Variants in TRPV1 observed in about 807,000 individuals in gnomAD.
TRPV1 encodes transient receptor potential cation channel subfamily V member 1, also known as OTRPC1.
TRPV1 carries 82 observed loss-of-function variants against 82.3 expected under a neutral mutation model. The observed-to-expected ratio is 1.00, with a 90% CI of 0.83 to 1.20. TRPV1 has a LOEUF of 1.20. Ranked by LOEUF, TRPV1 falls within the 50% of genes most tolerant of loss-of-function variation. The pLI is 0.00. For missense variants in TRPV1, 1,067 were observed against 1,096.8 expected (o/e 0.97, Z 0.38); for synonymous variants, 515 against 467.7 (o/e 1.10, Z -1.30).
rs1567654270 is a variant in TRPV1 at position 3,566,702 on chromosome 17, C to A, written c.*113G>T. 5.3e-6 allele frequency: 7 copies of A among 1,327,920 alleles called. No individual in the cohort carries two copies. Among genetic ancestry groups the A allele is most frequent in the Non-Finnish European group, 7.2e-6 (7 of 976,398 alleles). 82.3% of individuals were successfully genotyped at this position (1,327,920 alleles called of 1,614,324 possible). On this transcript the variant is annotated 3_prime_UTR_variant, in exon 17 of 17. Transcript: ENST00000572705. ...AGCACAGATTTGGGAACATGCTGGG[C>A]AGGCACAGACCAGGCCAGGCTGCTG...
rs201773199 is a variant in TRPV1 at position 3,573,912 on chromosome 17, C to T, written c.1824G>A (p.Pro608=). The T allele has an allele frequency of 5.8e-5, 93 of 1,608,176 alleles. 1 individual carries two copies. Among genetic ancestry groups the T allele is most frequent in the African/African-American group, 1.7e-4 (13 of 74,350 alleles). The part of the protein sequence containing the change: ...LIEDGKNDSL[P]SESTSHRWRG... Reference sequence around the variant, plus strand: ...GCCACCTGTGCGACGTGGACTCAGACGGCAGGGAGTCATTCTTCCCGTCTT... The same window carrying T: ...GCCACCTGTGCGACGTGGACTCAGATGGCAGGGAGTCATTCTTCCCGTCTT... Residue 608 remains proline, a synonymous_variant, in exon 14 of 17, where the codon CCG becomes CCA. Coordinates refer to ENST00000572705, the MANE Select transcript of TRPV1 (RefSeq NM_080704.4).
intron 9 of TRPV1, among the ~76,000 whole-genome samples, chr17:3,584,729 G>A (rs937903201): frequency 3.9e-5 from 6 of 152,136 alleles, no homozygotes; most frequent in Non-Finnish European, 5.9e-5. Flanking sequence ...CCGGGAGGTG[G>A]AGGTTGCAGT....
chr17:3,569,235 G>A (rs1436036754), intron 16 of TRPV1, among the ~76,000 whole-genome samples: 1 of 152,008 alleles, frequency 6.6e-6, no homozygotes, highest in Non-Finnish European at 1.5e-5. Flanking sequence ...CCTGCACGTT[G>A]TGCACATGTA....
chr17:3,574,019 T>C (rs770871734), intron 13 of TRPV1, 64 bp from the exon 14 acceptor site: 24 of 1,342,062 alleles, frequency 1.8e-5, no homozygotes, highest in Non-Finnish European at 2.2e-5. Flanking sequence ...TCCCCTGACA[T>C]ACACCCTCCT....
At chr17:3,577,089 A>AC in intron 13 of TRPV1, 37 bp downstream of exon 13, 1 of 1,558,972 alleles carries the variant, frequency 6.4e-7, no homozygotes, top group Non-Finnish European at 8.7e-7. Flanking sequence ...GCCAAGCAGG[A>AC]CCCCTGCCCT....
rs1012994826 is a variant in TRPV1, at chr17:3,589,022, A to G, written c.1045-655T>C. The stretch of plus-strand genomic sequence containing the variant: ...AAATGAGAGCCAGATGGGGTGGCTC[A>G]TGCCTGTAATCCCAGCTACTTGGGA... On this transcript the variant is annotated intron_variant, in intron 7 of 16. Coordinates refer to ENST00000572705, the MANE Select transcript of TRPV1 (RefSeq NM_080704.4). 25 of 1,451,134 alleles carry G rather than the reference A, an allele frequency of 1.7e-5. No homozygotes were observed. In the African/African-American group the frequency reaches 3.1e-4, roughly 18 times the overall value. 89.9% of individuals were successfully genotyped at this position (1,451,134 alleles called of 1,614,324 possible).
chr17:3,592,433 T>TCCATAGACCCCACCTGC, intron 2 of TRPV1, 50 bp from the exon 3 acceptor site: 1 of 1,470,826 alleles, frequency 6.8e-7, no homozygotes, highest in Non-Finnish European at 9.0e-7. Context: ...GGACTGCTTG[T>TCCATAGACCCCACCTGC]CCTTAGACCC....
chr17:3,584,840 T>C (rs1188713162), intron 9 of TRPV1, among the ~76,000 whole-genome samples: 2 of 152,148 alleles, frequency 1.3e-5, no homozygotes, highest in African/African-American at 2.4e-5. Flanking sequence ...TAAAGTGCCC[T>C]GGAAACAAAA....
At chr17:3,600,443 G>T (rs1013124367) in intron 2 of TRPV1, among the ~76,000 whole-genome samples, 3 of 152,158 alleles carry the variant, frequency 2.0e-5, no homozygotes, top group African/African-American at 7.2e-5. Flanking sequence ...CAAAAAATTA[G>T]CTGGGCGTGG....
At chr17:3,572,012 G>A in intron 15 of TRPV1, 110 bp downstream of exon 15, 8 of 1,395,498 alleles carry the variant, frequency 5.7e-6, no homozygotes, top group Non-Finnish European at 7.8e-6. Flanking sequence ...CATTGGGAGA[G>A]CCCCCTGTGC....
At chr17:3,571,406 C>T (rs2074850939) in intron 16 of TRPV1, 118 bp downstream of exon 16, 5 of 745,308 alleles carry the variant, frequency 6.7e-6, no homozygotes, top group Admixed American at 2.5e-5. Context: ...GCTGCCACAG[C>T]GCCCGGGTCC....
rs777474651 is a variant in TRPV1 at position 3,583,393 on chromosome 17, C to T, written c.1421G>A (p.Arg474Gln). 3.2e-5 allele frequency: 52 copies of T among 1,609,836 alleles called. No homozygotes were observed. In the East Asian group the frequency reaches 9.6e-4, roughly 30 times the overall value. ...CACAGACAGGATCTCTCCAGTAACT[C>T]GGAAATAGTCTCCAGTTTTTTCCAT... ...FKMEKTGDYF[R>Q]VTGEILSVLG... The change falls in exon 10 of 17, where the codon CGA becomes CAA. Residue 474 changes from arginine to glutamine, a missense_variant. Arg to Gln is a conservative substitution (Grantham distance 43). Coordinates refer to ENST00000572705, the MANE Select transcript of TRPV1 (RefSeq NM_080704.4).
intron 2 of TRPV1, among the ~76,000 whole-genome samples, chr17:3,597,361 A>G (rs1012312498): frequency 6.6e-6 from 1 of 152,190 alleles, no homozygotes; most frequent in African/African-American, 2.4e-5. Flanking sequence ...AAACGGCTCC[A>G]CAAATGACAT....
chr17:3,567,623 G>C (rs1241779312), intron 16 of TRPV1, among the ~76,000 whole-genome samples: 1 of 151,894 alleles, frequency 6.6e-6, no homozygotes, highest in African/African-American at 2.4e-5. Context: ...CAGCGGGAGG[G>C]AGAGAGGGTC....
chr17:3,601,204 C>T (rs1325287513), intron 2 of TRPV1, among the ~76,000 whole-genome samples: 1 of 152,106 alleles, frequency 6.6e-6, no homozygotes, highest in East Asian at 1.9e-4. Context: ...TGGCTTCCGT[C>T]CATCCCTCCT....
chr17:3,580,343 G>T, intron 11 of TRPV1, 114 bp downstream of exon 11: 3 of 1,040,260 alleles, frequency 2.9e-6, no homozygotes, highest in Non-Finnish European at 4.5e-6. Context: ...CATTCCCTCA[G>T]CATGTTCACT....
intron 3 of TRPV1, 25 bp downstream of exon 3, chr17:3,592,042 A>AG (rs766007359): frequency 6.2e-7 from 1 of 1,601,270 alleles, no homozygotes; most frequent in Admixed American, 1.7e-5. Flanking sequence ...CCCAGCAGGG[A>AG]GGGGGGCTCC....
intron 2 of TRPV1, among the ~76,000 whole-genome samples, chr17:3,607,323 G>A (rs368967146): frequency 3.6e-4 from 54 of 151,584 alleles, no homozygotes; most frequent in African/African-American, 9.9e-4. Context: ...CAGCCTGGGC[G>A]ACAGAGGGAG....
At position 3,577,660 on chromosome 17, in the gene TRPV1, T is replaced by C; in HGVS notation, c.1651A>G (p.Asn551Asp). The C allele has an allele frequency of 6.3e-7, 1 of 1,587,558 alleles. No individual in the cohort carries two copies. Among genetic ancestry groups the C allele is most frequent in the Non-Finnish European group, 8.6e-7 (1 of 1,167,310 alleles). Residue 551 changes from asparagine (N) to aspartate (D), a missense_variant, in exon 12 of 17, where the codon AAC becomes GAC. Asn to Asp is a conservative substitution (Grantham distance 23). Transcript: ENST00000572705. ...AAACCGCGGGTGTAGTAGAGCATGT[T>C]GGTCCAGCCCAAGGCCAGGGAGAAT... Reference protein sequence around the residue: ...MVFSLALGWTNMLYYTRGFQQ... With the variant: ...MVFSLALGWTDMLYYTRGFQQ...
Sources: gnomAD v4.1 joint callset for allele counts (sites outside exome capture counted in the v4.1 genomes callset) on GRCh38, gnomAD v4.1.1 for gene constraint, MANE v1.5 for transcripts, NCBI Gene and HGNC (gene_info 2026-07-23, HGNC 2026-07-21) for gene names.